The following NMBR variants were observed in gnomAD, a reference collection of about 807,000 sequenced individuals.
NMBR encodes neuromedin B receptor.
A neutral mutation model predicts 20.5 loss-of-function variants in NMBR; 16 were observed. The ratio of observed to expected loss-of-function variants is 0.78; its 90% confidence interval spans 0.53 to 1.19. NMBR has a LOEUF of 1.19. Among genes scored for constraint, NMBR ranks in the 50% most tolerant of loss-of-function variants. NMBR has a pLI of 0.00. For missense variants in NMBR, 582 were observed against 499.1 expected (o/e 1.17, Z -1.58); for synonymous variants, 212 against 196.6 (o/e 1.08, Z -0.65).
At chr6:142,126,757 A>ATTTTTTTTTTTTTTT (rs34631481) in intron 1 of NMBR, among the ~76,000 whole-genome samples, 5 of 51,360 alleles carry the variant, frequency 9.7e-5, no homozygotes, top group Non-Finnish European at 1.0e-4. Flanking sequence ...TATTTGAGGG[A>ATTTTTTTTTTTTTTT]TTTTTTTTTT....
rs551695612 is a variant in NMBR, at chr6:142,116,932, T to G, written c.-663-27611A>C. On this transcript the variant is annotated intron_variant, in intron 1 of 3. Transcript: ENST00000258042. Reference sequence around the variant, plus strand: ...ATCATGATTAATATTATTAGAAATCTGCCACCTCACTGAAAATGTTAAGAA... The same window carrying G: ...ATCATGATTAATATTATTAGAAATCGGCCACCTCACTGAAAATGTTAAGAA... Among the ~76,000 whole-genome samples the G allele has an allele frequency of 2.6e-5, 4 of 152,120 alleles. No homozygotes were observed. In the East Asian group the frequency reaches 7.7e-4, roughly 29 times the overall value.
chr6:142,145,092 T>G (rs1778410759), intron 1 of NMBR, among the ~76,000 whole-genome samples: 1 of 150,110 alleles, frequency 6.7e-6, no homozygotes, highest in East Asian at 1.9e-4. Flanking sequence ...AAAGAGCATG[T>G]GTTGGCAGAT....
At chr6:142,078,007 G>A (rs1055169905) in intron 3 of NMBR, among the ~76,000 whole-genome samples, 6 of 151,788 alleles carry the variant, frequency 4.0e-5, no homozygotes, top group South Asian at 2.1e-4. Flanking sequence ...GTTGGGTCAC[G>A]TACTGCTTCA....
intron 2 of NMBR, among the ~76,000 whole-genome samples, chr6:142,084,971 C>G (rs1777172061): frequency 6.6e-6 from 1 of 152,144 alleles, no homozygotes; most frequent in African/African-American, 2.4e-5. Context: ...TACTTTTAAT[C>G]AACTACTTTA....
Position 142,088,529 on chromosome 6 carries a change from A to T in NMBR, c.130T>A (p.Cys44Ser). The change falls in exon 2 of 4, where the codon TGT (cysteine) becomes AGT (serine). Residue 44 changes from cysteine to serine, a missense_variant. Coordinates refer to ENST00000258042, the MANE Select transcript of NMBR (RefSeq NM_002511.4). ...DGTTTELVIR[C>S]VIPSLYLLII... Reference sequence around the variant, plus strand: ...AGCAGGTAGAGGGACGGGATCACACAGCGGATCACCAACTCCGTGGTGGTC... The same window carrying T: ...AGCAGGTAGAGGGACGGGATCACACTGCGGATCACCAACTCCGTGGTGGTC... The T allele has an allele frequency of 6.2e-7, 1 of 1,614,072 alleles. No homozygotes were observed. Among genetic ancestry groups the T allele is most frequent in the Non-Finnish European group, 8.5e-7 (1 of 1,180,006 alleles).
intron 1 of NMBR, among the ~76,000 whole-genome samples, chr6:142,137,708 T>A (rs1052461813): frequency 2.2e-4 from 33 of 152,076 alleles, no homozygotes; most frequent in Non-Finnish European, 4.7e-4. Context: ...GCATGAAGCG[T>A]TGTTGAATTT....
chr6:142,095,121 T>C (rs1438935993), intron 1 of NMBR, among the ~76,000 whole-genome samples: 1 of 152,070 alleles, frequency 6.6e-6, no homozygotes, highest in Non-Finnish European at 1.5e-5. Context: ...GACTTCCTCT[T>C]TTCCTAATTG....
chr6:142,082,542 T>G (rs544109937), intron 2 of NMBR, among the ~76,000 whole-genome samples: 2 of 152,364 alleles, frequency 1.3e-5, no homozygotes, highest in Non-Finnish European at 2.9e-5. Context: ...GAGTTACTAA[T>G]GCAGAATCCC....
At chr6:142,115,398 A>C (rs556995767) in intron 1 of NMBR, among the ~76,000 whole-genome samples, 22 of 152,106 alleles carry the variant, frequency 1.4e-4, no homozygotes, top group Non-Finnish European at 3.1e-4. Context: ...TGGCTGAAGC[A>C]TAGATTTTCT....
chr6:142,112,521 C>A (rs1361978465), intron 1 of NMBR, among the ~76,000 whole-genome samples: 1 of 152,166 alleles, frequency 6.6e-6, no homozygotes, highest in African/African-American at 2.4e-5. Flanking sequence ...GGCATCTGCA[C>A]TCCTCAAATG....
intron 1 of NMBR, among the ~76,000 whole-genome samples, chr6:142,136,686 A>G (rs1778263762): frequency 6.6e-6 from 1 of 152,224 alleles, no homozygotes; most frequent in African/African-American, 2.4e-5. Flanking sequence ...GGTGTAAGGA[A>G]GGGATCCAGT....
chr6:142,085,468 G>A (rs991658988), intron 2 of NMBR, among the ~76,000 whole-genome samples: 1 of 152,052 alleles, frequency 6.6e-6, no homozygotes, highest in African/African-American at 2.4e-5. Context: ...AGGTTGCAGT[G>A]AGCCGAGATC....
At chr6:142,079,066 G>GAA (rs1562390112) in intron 2 of NMBR, among the ~76,000 whole-genome samples, 163 bp from the exon 3 acceptor site, 38 of 133,894 alleles carry the variant, frequency 2.8e-4, no homozygotes, top group Admixed American at 4.0e-4. Flanking sequence ...GAAAGAGAGA[G>GAA]AGAAAGAGAG....
chr6:142,108,548 G>A (rs543434533), intron 1 of NMBR, among the ~76,000 whole-genome samples: 24 of 152,110 alleles, frequency 1.6e-4, no homozygotes, highest in Non-Finnish European at 3.4e-4. Flanking sequence ...GAAGAGAGAA[G>A]TGCCGAGCAA....
intron 1 of NMBR, among the ~76,000 whole-genome samples, chr6:142,123,976 T>C (rs899903044): frequency 4.6e-5 from 7 of 151,818 alleles, no homozygotes; most frequent in African/African-American, 1.7e-4. Flanking sequence ...ACACGGTAAC[T>C]ATTCACAATG....
At chr6:142,126,894 TG>T (rs1230463595) in intron 1 of NMBR, among the ~76,000 whole-genome samples, 1 of 151,296 alleles carries the variant, frequency 6.6e-6, no homozygotes, top group African/African-American at 2.4e-5. Context: ...TGTTGGGTTT[TG>T]GGGGGGTTTA....
chr6:142,121,994 T>G (rs1777951055), intron 1 of NMBR, among the ~76,000 whole-genome samples: 1 of 151,836 alleles, frequency 6.6e-6, no homozygotes, highest in South Asian at 2.1e-4. Flanking sequence ...ACACAGACAT[T>G]GTACCCAGCA....
chr6:142,125,365 G>T (rs536874348), intron 1 of NMBR, among the ~76,000 whole-genome samples: 53 of 137,422 alleles, frequency 3.9e-4, no homozygotes, highest in African/African-American at 1.4e-3. Context: ...TACTCTGAAG[G>T]ATTAAATATA....
At chr6:142,115,040 C>G (rs1488289681) in intron 1 of NMBR, among the ~76,000 whole-genome samples, 2 of 152,106 alleles carry the variant, frequency 1.3e-5, no homozygotes, top group African/African-American at 2.4e-5. Flanking sequence ...TTGAGAGAGA[C>G]TTTTTTCTAA....
Sources: gnomAD v4.1 joint callset for allele counts (sites outside exome capture counted in the v4.1 genomes callset) on GRCh38, gnomAD v4.1.1 for gene constraint, MANE v1.5 for transcripts, NCBI Gene and HGNC (gene_info 2026-07-23, HGNC 2026-07-21) for gene names.